The following LRRTM4 variants were observed in gnomAD, a reference collection of about 807,000 sequenced individuals.
LRRTM4 encodes leucine rich repeat transmembrane neuronal 4.
In LRRTM4, 25 loss-of-function variants were observed where a neutral mutation model predicts 47.6. The ratio of observed to expected loss-of-function variants is 0.53; its 90% confidence interval spans 0.38 to 0.73. The LOEUF is 0.73. Ranked by LOEUF, LRRTM4 falls within the 30% of genes least tolerant of loss-of-function variation. The pLI, the probability that LRRTM4 is intolerant of heterozygous loss-of-function variation, is 0.00. For missense variants in LRRTM4, 638 were observed against 713.4 expected, an observed-to-expected ratio of 0.89 and a Z score of 1.20; for synonymous variants, 311 against 269.5, an observed-to-expected ratio of 1.15 and a Z score of -1.51.
intron 3 of LRRTM4, among the ~76,000 whole-genome samples, chr2:77,041,932 A>C (rs1573489430): frequency 2.7e-5 from 1 of 37,668 alleles, no homozygotes. Flanking sequence ...GAATAAAGAG[A>C]ATCATCTGAA....
At chr2:76,832,608 TAAAG>T (rs1379427143) in intron 3 of LRRTM4, among the ~76,000 whole-genome samples, 2 of 152,138 alleles carry the variant, frequency 1.3e-5, no homozygotes, top group African/African-American at 4.8e-5. Context: ...TCCAGTTTAT[TAAAG>T]AAAGATTGTT....
intron 3 of LRRTM4, among the ~76,000 whole-genome samples, chr2:77,292,852 A>ATAG (rs1475356008): frequency 4.0e-5 from 6 of 149,788 alleles, no homozygotes; most frequent in Non-Finnish European, 8.8e-5. Context: ...TATAATAATA[A>ATAG]TAAAATTAAA....
At chr2:76,859,365 A>G (rs1354076841) in intron 3 of LRRTM4, among the ~76,000 whole-genome samples, 3 of 152,172 alleles carry the variant, frequency 2.0e-5, no homozygotes, top group African/African-American at 7.2e-5. Context: ...AATACAGTGT[A>G]TGATACCTGT....
intron 3 of LRRTM4, among the ~76,000 whole-genome samples, chr2:77,118,098 A>G (rs1671435518): frequency 6.6e-6 from 1 of 151,970 alleles, no homozygotes; most frequent in African/African-American, 2.4e-5. Context: ...CTGCCTCTTC[A>G]TCACACTGAC....
chr2:77,105,627 T>C (rs1671075596), intron 3 of LRRTM4, among the ~76,000 whole-genome samples: 1 of 152,134 alleles, frequency 6.6e-6, no homozygotes, highest in South Asian at 2.1e-4. Context: ...ACCTGCACGT[T>C]GTGCACATGT....
At chr2:76,760,156 T>C (rs79633865) in intron 3 of LRRTM4, among the ~76,000 whole-genome samples, 11,103 of 152,162 alleles carry the variant, frequency 0.073, 784 homozygotes, top group East Asian at 0.32. Context: ...TCCTTTTCCT[T>C]TCTGTACGAT....
intron 3 of LRRTM4, among the ~76,000 whole-genome samples, chr2:77,282,270 A>G (rs564275218): frequency 3.3e-5 from 5 of 151,738 alleles, no homozygotes; most frequent in Non-Finnish European, 7.4e-5. Context: ...AATGCCACTT[A>G]TTTGTGTATA....
intron 3 of LRRTM4, among the ~76,000 whole-genome samples, chr2:76,933,341 C>T (rs1000816250): frequency 2.4e-4 from 37 of 152,194 alleles, no homozygotes; most frequent in African/African-American, 7.7e-4. Context: ...AACTGTGTTT[C>T]TCTGTGCAAA....
chr2:76,932,779 AAG>A (rs1287681611), intron 3 of LRRTM4, among the ~76,000 whole-genome samples: 28 of 151,326 alleles, frequency 1.9e-4, no homozygotes, highest in African/African-American at 4.4e-4. Flanking sequence ...ATACACACAA[AAG>A]AGAGGAAAAT....
At chr2:77,107,070 A>G (rs1304658224) in intron 3 of LRRTM4, among the ~76,000 whole-genome samples, 1 of 152,122 alleles carries the variant, frequency 6.6e-6, no homozygotes, top group Non-Finnish European at 1.5e-5. Flanking sequence ...TCACATCTTG[A>G]AAGATAAGTA....
chr2:76,748,572 A>C lies in LRRTM4; in HGVS notation c.*123T>G. 1 of 779,550 alleles carries C rather than the reference A, an allele frequency of 1.3e-6. No homozygotes were observed. The highest frequency in any genetic ancestry group is 2.1e-6 in the Non-Finnish European group (1 of 482,904). 48.3% of individuals were successfully genotyped at this position (779,550 alleles called of 1,614,324 possible). On this transcript the variant is annotated 3_prime_UTR_variant, in exon 4 of 4. Transcript: ENST00000409884. ...TTTCTCTTTTTCTTTTCTCTATGCC[A>C]TAAATGTTTTAACAGGAACGATGAG... is the stretch of plus-strand genomic sequence containing the variant.
intron 3 of LRRTM4, among the ~76,000 whole-genome samples, chr2:76,913,088 T>C (rs1238630255): frequency 1.3e-5 from 2 of 152,168 alleles, no homozygotes; most frequent in African/African-American, 2.4e-5. Flanking sequence ...AAATGAAAAA[T>C]CTTATAATTT....
At chr2:76,755,738 C>A (rs897587974) in intron 3 of LRRTM4, among the ~76,000 whole-genome samples, 1 of 152,076 alleles carries the variant, frequency 6.6e-6, no homozygotes, top group African/African-American at 2.4e-5. Flanking sequence ...GGAGCCTCAG[C>A]CTTACTCACA....
intron 3 of LRRTM4, among the ~76,000 whole-genome samples, chr2:76,842,093 G>A (rs933029796): frequency 5.3e-5 from 8 of 152,186 alleles, no homozygotes; most frequent in Admixed American, 5.2e-4. Context: ...GGTAAACTGA[G>A]TGAAGCAGAT....
intron 3 of LRRTM4, among the ~76,000 whole-genome samples, chr2:76,844,106 T>G (rs1671769456): frequency 6.6e-6 from 1 of 151,652 alleles, no homozygotes; most frequent in South Asian, 2.1e-4. Context: ...TTTCACCATG[T>G]TAGCCAGGAT....
chr2:76,884,291 C>G (rs1247314012), intron 3 of LRRTM4, among the ~76,000 whole-genome samples: 1 of 151,936 alleles, frequency 6.6e-6, no homozygotes, highest in Non-Finnish European at 1.5e-5. Context: ...AGTAACTTGC[C>G]CAAGTCATGG....
intron 3 of LRRTM4, among the ~76,000 whole-genome samples, chr2:77,383,525 T>C (rs187924495): frequency 5.3e-4 from 81 of 152,252 alleles, no homozygotes; most frequent in Middle Eastern, 3.4e-3. Flanking sequence ...GGCAGTCTAA[T>C]AAGGATTTGG....
chr2:77,243,292 C>G (rs1040712470), intron 3 of LRRTM4, among the ~76,000 whole-genome samples: 2 of 151,760 alleles, frequency 1.3e-5, no homozygotes, highest in South Asian at 4.2e-4. Context: ...TGCCTGTAAT[C>G]CCAGCTACTC....
chr2:77,164,137 A>T (rs548495374), intron 3 of LRRTM4, among the ~76,000 whole-genome samples: 1 of 152,310 alleles, frequency 6.6e-6, no homozygotes, highest in East Asian at 1.9e-4. Context: ...AATGGAAAAC[A>T]AAACAAAAGC....
Sources: allele counts gnomAD v4.1 joint callset (sites outside exome capture counted in the v4.1 genomes callset), GRCh38; gene constraint gnomAD v4.1.1; transcripts MANE v1.5; gene names NCBI Gene and HGNC (gene_info 2026-07-23, HGNC 2026-07-21).